Variants in EFCAB8 observed in about 807,000 individuals in gnomAD.
EFCAB8 encodes EF-hand calcium binding domain 8, also known as EF-hand calcium-binding domain-containing protein 8.
A neutral mutation model predicts 116.3 loss-of-function variants in EFCAB8; 100 were observed. The observed-to-expected ratio is 0.86, with a 90% confidence interval of 0.73 to 1.02. The LOEUF is 1.02. Ranked by LOEUF, EFCAB8 falls within the 50% of genes least tolerant of loss-of-function variation. The probability of loss-of-function intolerance (pLI) is 0.00; values close to 1 mark genes in which losing one functional copy is unlikely to be tolerated. For missense variants in EFCAB8, 1,320 were observed against 1,416.9 expected (o/e 0.93, Z 1.10); for synonymous variants, 558 against 567.9 (o/e 0.98, Z 0.25).
chr20:32,933,771 G>T (rs192708183), intron 22 of EFCAB8, among the ~76,000 whole-genome samples: 30 of 152,300 alleles, frequency 2.0e-4, no homozygotes, highest in Admixed American at 9.2e-4. Context: ...CTGAGGTCAG[G>T]AGTTCAAGAC....
rs551672968 is a variant in EFCAB8 at position 32,889,433 on chromosome 20, T to G, written c.673+27T>G. On this transcript the variant is annotated intron_variant, in intron 7 of 26. Coordinates refer to ENST00000400522, the MANE Select transcript of EFCAB8 (RefSeq NM_001143967.2). ...TGAGTCCCTGGGGGCTTCCCAGCTC[T>G]GCTCTCAGCCACTGGGAGCCATGCA... The G allele has an allele frequency of 5.2e-6, 8 of 1,543,038 alleles. No individual in the cohort carries two copies. The African/African-American group carries it at 1.1e-4, about 21-fold the overall frequency.
chr20:32,961,527 TCTC>T lies in EFCAB8; in HGVS notation c.3791_3793del (p.Ser1264del), dbSNP rs1312171258. ...GGGTCAGTGACCCCCAAGCACATTG[TCTC>T]CTCCTTCGAGCGGCCCCCAAGGCCT... On this transcript the variant is annotated inframe_deletion, in exon 27 of 27. Coordinates refer to ENST00000400522, the MANE Select transcript of EFCAB8 (RefSeq NM_001143967.2). The T allele has an allele frequency of 3.1e-5, 44 of 1,415,032 alleles. No homozygotes were observed. In the East Asian group the frequency reaches 8.6e-4, roughly 28 times the overall value. The allele number at this position is 1,415,032 out of a possible 1,614,324, so 87.7% of individuals were successfully genotyped here. A position where few individuals can be genotyped will look rare whatever the true frequency, so the allele number is the denominator to read the frequency against.
Position 32,930,534 on chromosome 20 carries a change from A to G in EFCAB8, c.2549A>G (p.Asn850Ser), listed in dbSNP as rs150173350. Residue 850 changes from asparagine (N) to serine (S), a missense_variant, in exon 21 of 27, where the codon AAT (asparagine) becomes AGT (serine). Asn to Ser is a conservative substitution (Grantham distance 46). Transcript: ENST00000400522. ...LLGKFPVDLD[N>S]GDVVVGAMAT... ...GGGAAGTTCCCTGTGGACCTAGACA[A>G]TGGGGATGTTGTCGTGGGTGCCATG... 567 of 1,552,296 alleles carry G rather than the reference A, an allele frequency of 3.7e-4. 2 individuals are homozygous for G. The East Asian group carries it at 0.012, about 33-fold the overall frequency.
At chr20:32,863,138 C>CT (rs1984201923) in intron 1 of EFCAB8, among the ~76,000 whole-genome samples, 1 of 152,144 alleles carries the variant, frequency 6.6e-6, no homozygotes, top group Admixed American at 6.5e-5. Flanking sequence ...TATTTCTTGG[C>CT]TGTCCCCCTG....
Position 32,959,764 on chromosome 20 carries a change from AG to A in EFCAB8, c.3090-13del, listed in dbSNP as rs1989080403. 5 of 1,453,418 alleles carry A rather than the reference AG, an allele frequency of 3.4e-6. No homozygotes were observed. In the South Asian group the frequency reaches 4.3e-5, roughly 13 times the overall value. The allele number at this position is 1,453,418 out of a possible 1,614,324, so 90.0% of individuals were successfully genotyped here. On this transcript the variant is annotated splice_polypyrimidine_tract_variant and intron_variant, in intron 24 of 26. Transcript: ENST00000400522. The stretch of plus-strand genomic sequence containing the variant: ...AGTGGGGGGACATCTTGTGAAGGAA[AG>A]CCCCCACACTAGGGAGCAGCGGGAT...
Position 32,931,215 on chromosome 20 carries a change from A to G in EFCAB8, c.2669A>G (p.Lys890Arg). ...DIKDYCALID[K>R]QPFQSSGAKV... ...AAGGATTACTGCGCATTGATTGATAAACAGCCATTCCAATCCAGTGGGGCC... is the reference window on the plus strand; with the variant it reads ...AAGGATTACTGCGCATTGATTGATAGACAGCCATTCCAATCCAGTGGGGCC... Residue 890 changes from lysine to arginine, a missense_variant, in exon 22 of 27, where the codon AAA becomes AGA. Transcript: ENST00000400522. The G allele has an allele frequency of 6.5e-7, 1 of 1,550,384 alleles. No homozygotes were observed. Among genetic ancestry groups the G allele is most frequent in the Non-Finnish European group, 8.7e-7 (1 of 1,146,466 alleles).
chr20:32,945,398 C>T (rs762504707), intron 23 of EFCAB8, among the ~76,000 whole-genome samples: 2 of 152,114 alleles, frequency 1.3e-5, no homozygotes, highest in African/African-American at 2.4e-5. Context: ...CTCAAGTGAT[C>T]GCCCACCTAA....
intron 5 of EFCAB8, among the ~76,000 whole-genome samples, chr20:32,880,259 C>T (rs1985256574): frequency 6.9e-6 from 1 of 144,728 alleles, no homozygotes; most frequent in African/African-American, 2.5e-5. Context: ...GAATGAAAGT[C>T]ACCCAAGGGT....
At chr20:32,898,313 C>G in intron 10 of EFCAB8, 180 bp from the exon 11 acceptor site, 1 of 547,278 alleles carries the variant, frequency 1.8e-6, no homozygotes, top group East Asian at 2.8e-5. Context: ...ATGGCCAGTG[C>G]TGGTCATAGG....
At chr20:32,889,923 A>G (rs534411664) in intron 7 of EFCAB8, among the ~76,000 whole-genome samples, 1 of 150,966 alleles carries the variant, frequency 6.6e-6, no homozygotes, top group Non-Finnish European at 1.5e-5. Context: ...AATCGCTTGA[A>G]CCTGGAGGTG....
At chr20:32,938,193 T>C (rs1279318597) in intron 22 of EFCAB8, among the ~76,000 whole-genome samples, 1 of 149,850 alleles carries the variant, frequency 6.7e-6, no homozygotes, top group East Asian at 1.9e-4. Flanking sequence ...CCATATTAAC[T>C]GAATAAAAAA....
In EFCAB8 at chr20:32,930,493, G is replaced by A. The variant is rs1457448472; in HGVS notation, c.2508G>A (p.Glu836=). 3 of 1,552,084 alleles carry A rather than the reference G, an allele frequency of 1.9e-6. No homozygotes were observed. The highest frequency in any genetic ancestry group is 4.9e-5 in the East Asian group (2 of 40,926). ...DGYIYAWSLH[E]NGGLLGKFPV... ...ACATCTACGCCTGGTCCCTCCATGAGAATGGAGGCCTGCTGGGGAAGTTCC... is the reference window on the plus strand; with the variant it reads ...ACATCTACGCCTGGTCCCTCCATGAAAATGGAGGCCTGCTGGGGAAGTTCC... The change falls in exon 21 of 27, where the codon GAG becomes GAA. Residue 836 remains glutamate (E), a synonymous_variant. Coordinates refer to ENST00000400522, the MANE Select transcript of EFCAB8 (RefSeq NM_001143967.2).
At position 32,931,163 on chromosome 20, in the gene EFCAB8, A is replaced by T. The variant is rs1987893928; in HGVS notation, c.2632-15A>T. ...TCAAGGGGTGTGAGGCCACTAACCC[A>T]CACTTTATGTCTAGATCTGGGACAT... On this transcript the variant is annotated splice_polypyrimidine_tract_variant and intron_variant, in intron 21 of 26. Transcript: ENST00000400522. The T allele has an allele frequency of 6.6e-7, 1 of 1,526,428 alleles. No individual in the cohort carries two copies. The highest frequency in any genetic ancestry group is 8.8e-7 in the Non-Finnish European group (1 of 1,134,584). The allele number at this position is 1,526,428 out of a possible 1,614,324, so 94.6% of individuals were successfully genotyped here.
intron 23 of EFCAB8, among the ~76,000 whole-genome samples, chr20:32,946,552 C>T (rs914812455): frequency 2.2e-4 from 34 of 152,120 alleles, no homozygotes; most frequent in African/African-American, 8.0e-4. Flanking sequence ...GCTGATGTCA[C>T]CCATTTTTTT....
chr20:32,950,597 G>T (rs1474365989), intron 23 of EFCAB8, among the ~76,000 whole-genome samples: 1 of 152,160 alleles, frequency 6.6e-6, no homozygotes, highest in Non-Finnish European at 1.5e-5. Flanking sequence ...TCTTTGTTGT[G>T]CTTATCTGGG....
intron 13 of EFCAB8, 39 bp downstream of exon 13, chr20:32,907,033 A>G: frequency 2.7e-6 from 4 of 1,474,934 alleles, no homozygotes; most frequent in Non-Finnish European, 3.6e-6. Flanking sequence ...TCTGTTCCTC[A>G]GGGAAACACA....
intron 1 of EFCAB8, among the ~76,000 whole-genome samples, chr20:32,861,402 C>T (rs1984108006): frequency 6.6e-6 from 1 of 152,204 alleles, no homozygotes; most frequent in Admixed American, 6.5e-5. Flanking sequence ...AGTTCTCCTG[C>T]CTCAGCCTCC....
intron 23 of EFCAB8, among the ~76,000 whole-genome samples, chr20:32,945,155 A>T (rs985990869): frequency 2.0e-5 from 3 of 151,060 alleles, no homozygotes; most frequent in African/African-American, 7.3e-5. Context: ...TGTTATTTTT[A>T]TTATTATTAT....
At chr20:32,892,710 CGT>C (rs530638177) in intron 8 of EFCAB8, among the ~76,000 whole-genome samples, 54 of 152,162 alleles carry the variant, frequency 3.5e-4, no homozygotes, top group African/African-American at 1.1e-3. Flanking sequence ...CTCCTGGGCC[CGT>C]GTTTGTTGGC....
Sources: allele counts gnomAD v4.1 joint callset (sites outside exome capture counted in the v4.1 genomes callset), GRCh38; gene constraint gnomAD v4.1.1; transcripts MANE v1.5; gene names NCBI Gene and HGNC (gene_info 2026-07-23, HGNC 2026-07-21).